Variants in SGIP1 observed in about 807,000 individuals in gnomAD.
The protein encoded by SGIP1 is SH3-containing GRB2-like protein 3-interacting protein 1.
SGIP1 carries 38 observed loss-of-function variants against 107.5 expected under a neutral mutation model. The ratio of observed to expected loss-of-function variants is 0.35; its 90% CI spans 0.27 to 0.46. SGIP1 has a LOEUF of 0.46. SGIP1 is among the 20% of genes least tolerant of loss of function. SGIP1 has a pLI of 1.00. For missense variants in SGIP1, 929 were observed against 1,019.5 expected, an observed-to-expected ratio of 0.91 and a Z score of 1.21; for synonymous variants, 365 against 366.1, an observed-to-expected ratio of 1.00 and a Z score of 0.03.
intron 18 of SGIP1, among the ~76,000 whole-genome samples, chr1:66,716,122 C>T (rs1453979866): frequency 6.6e-6 from 1 of 152,026 alleles, no homozygotes; most frequent in African/African-American, 2.4e-5. Context: ...ATGCTAAATC[C>T]CATGCTCTTA....
chr1:66,576,460 G>A (rs2061079635), intron 1 of SGIP1, among the ~76,000 whole-genome samples: 1 of 152,152 alleles, frequency 6.6e-6, no homozygotes, highest in Non-Finnish European at 1.5e-5. Flanking sequence ...GTAAGCCTCA[G>A]TGTCCTCATC....
intron 24 of SGIP1, among the ~76,000 whole-genome samples, chr1:66,742,456 C>CTTTTT (rs1557832284): frequency 3.1e-5 from 2 of 64,132 alleles, no homozygotes; most frequent in African/African-American, 5.5e-5. Context: ...TATGAGCACC[C>CTTTTT]TTTCTTTTTT....
intron 7 of SGIP1, among the ~76,000 whole-genome samples, chr1:66,657,414 C>T (rs2080005785): frequency 6.6e-6 from 1 of 152,154 alleles, no homozygotes; most frequent in African/African-American, 2.4e-5. Context: ...AAGTGACCAT[C>T]AAAACTGGTT....
chr1:66,684,597 C>T (rs10749765), intron 15 of SGIP1, among the ~76,000 whole-genome samples: 99,545 of 152,108 alleles, frequency 0.65, 33,541 homozygotes, highest in East Asian at 1. Context: ...ATTTAAAGAA[C>T]ACCCACTTCC....
intron 18 of SGIP1, among the ~76,000 whole-genome samples, chr1:66,698,099 C>T (rs1398171625): frequency 6.6e-6 from 1 of 152,084 alleles, no homozygotes; most frequent in Non-Finnish European, 1.5e-5. Flanking sequence ...TTTGTTCTTA[C>T]AATGCTTTAG....
chr1:66,546,082 G>A (rs2056326754), intron 1 of SGIP1, among the ~76,000 whole-genome samples: 1 of 152,150 alleles, frequency 6.6e-6, no homozygotes. Flanking sequence ...AATTAAATGA[G>A]TTAAAATATG....
chr1:66,606,607 G>C (rs1238921598), intron 1 of SGIP1, among the ~76,000 whole-genome samples: 1 of 152,212 alleles, frequency 6.6e-6, no homozygotes, highest in Non-Finnish European at 1.5e-5. Context: ...TCCAGAAACA[G>C]ATACTGTGTA....
intron 9 of SGIP1, 42 bp from the exon 10 acceptor site, chr1:66,670,953 A>G (rs546487423): frequency 2.0e-6 from 2 of 1,022,944 alleles, no homozygotes; most frequent in Middle Eastern, 2.2e-4. Context: ...TACATAACAT[A>G]TATGTGGTCT....
At chr1:66,534,108 C>T (rs2053005439), upstream of SGIP1, 3 of 580,020 alleles carry the variant, frequency 5.2e-6, no homozygotes, top group Non-Finnish European at 9.2e-6. Context: ...GCAGCGCAGG[C>T]GGTGCAGCTC....
chr1:66,748,969 A>G lies in SGIP1; in HGVS notation c.*5874A>G, dbSNP rs1410520607. ...TTAACACTAGTTTATATATCCTTCA[A>G]TAATTGTAAATAAAATAACCAGGAA... On this transcript the variant is annotated 3_prime_UTR_variant, in exon 25 of 25. Transcript: ENST00000371037. Among the ~76,000 whole-genome samples the G allele has an allele frequency of 6.6e-6, 1 of 151,966 alleles. No individual in the cohort carries two copies. The highest frequency in any genetic ancestry group is 1.5e-5 in the Non-Finnish European group (1 of 67,858).
intron 8 of SGIP1, among the ~76,000 whole-genome samples, chr1:66,661,102 T>G (rs2081379741): frequency 6.6e-6 from 1 of 152,222 alleles, no homozygotes; most frequent in Non-Finnish European, 1.5e-5. Flanking sequence ...GTGGGTGATT[T>G]TTAGTGGCAA....
chr1:66,573,446 G>A (rs1422132395), intron 1 of SGIP1, among the ~76,000 whole-genome samples: 5 of 152,154 alleles, frequency 3.3e-5, no homozygotes, highest in African/African-American at 4.8e-5. Flanking sequence ...CTATCAGAAC[G>A]ACACATGCAC....
intron 7 of SGIP1, among the ~76,000 whole-genome samples, chr1:66,657,838 C>G (rs1185325572): frequency 6.6e-6 from 1 of 152,208 alleles, no homozygotes; most frequent in African/African-American, 2.4e-5. Context: ...GAATATCACT[C>G]CCATTTCTCT....
intron 20 of SGIP1, among the ~76,000 whole-genome samples, chr1:66,730,729 T>G (rs192932225): frequency 6.6e-6 from 1 of 152,318 alleles, no homozygotes; most frequent in East Asian, 1.9e-4. Context: ...TACCCTTGTC[T>G]GCCTCTCCAT....
intron 7 of SGIP1, among the ~76,000 whole-genome samples, chr1:66,657,781 C>T (rs1319829417): frequency 1.3e-5 from 2 of 152,170 alleles, no homozygotes; most frequent in Non-Finnish European, 2.9e-5. Flanking sequence ...TTATGCTTTA[C>T]TCCAAAAATT....
Position 66,573,550 on chromosome 1 carries a change from C to T in SGIP1, c.10+39182C>T, listed in dbSNP as rs185843044. ...TAGACTGGATAAAGAAAAGGTGGTA[C>T]ATATACACTATTGAATACTATGCAG... On this transcript the variant is annotated intron_variant, in intron 1 of 24. Coordinates refer to ENST00000371037, the MANE Select transcript of SGIP1 (RefSeq NM_032291.4). Among the ~76,000 whole-genome samples the T allele has an allele frequency of 1.0e-3, 158 of 152,218 alleles. 1 individual carries two copies. Among genetic ancestry groups the T allele is most frequent in the Admixed American group, 4.8e-3 (73 of 15,266 alleles).
chr1:66,566,415 T>A (rs10889629), intron 1 of SGIP1, among the ~76,000 whole-genome samples: 77,498 of 151,760 alleles, frequency 0.51, 20,764 homozygotes, highest in South Asian at 0.78. Flanking sequence ...CTTTTATTTT[T>A]TCCATCAAGA....
At chr1:66,678,486 G>A (rs1385240654) in intron 13 of SGIP1, among the ~76,000 whole-genome samples, 1 of 152,078 alleles carries the variant, frequency 6.6e-6, no homozygotes, top group Non-Finnish European at 1.5e-5. Flanking sequence ...TGTTTTTATG[G>A]TATTTTGTTG....
intron 15 of SGIP1, among the ~76,000 whole-genome samples, chr1:66,688,460 T>C (rs1324328084): frequency 6.6e-6 from 1 of 152,198 alleles, no homozygotes; most frequent in Non-Finnish European, 1.5e-5. Flanking sequence ...CTTTCAAAAA[T>C]CGTCATGGGC....
Sources: gnomAD v4.1 joint callset for allele counts (sites outside exome capture counted in the v4.1 genomes callset) on GRCh38, gnomAD v4.1.1 for gene constraint, MANE v1.5 for transcripts, NCBI Gene and HGNC (gene_info 2026-07-23, HGNC 2026-07-21) for gene names.